The following HDLBP variants were observed in gnomAD, a reference collection of about 807,000 sequenced individuals.
HDLBP encodes the protein high density lipoprotein binding protein, also known as vigilin.
A neutral mutation model predicts 137.3 loss-of-function variants in HDLBP; 30 were observed. The observed-to-expected ratio is 0.22, with a 90% CI of 0.16 to 0.30. HDLBP has a LOEUF of 0.30. HDLBP is among the 10% of genes least tolerant of loss of function. The probability of loss-of-function intolerance (pLI) is 1.00; values close to 1 mark genes in which losing one functional copy is unlikely to be tolerated. For synonymous variants in HDLBP, 606 were observed against 596.0 expected (o/e 1.02, Z -0.24); for missense variants, 1,119 against 1,667.3 (o/e 0.67, Z 5.73).
At position 241,306,267 on chromosome 2, in the gene HDLBP, C is replaced by CT. The variant is rs923058053; in HGVS notation, c.-103+9302dup. Among the ~76,000 whole-genome samples, 580 of 143,304 alleles carry CT rather than the reference C, an allele frequency of 4.0e-3. 4 individuals carry two copies. The highest frequency in any genetic ancestry group is 5.5e-3 in the Non-Finnish European group (353 of 64,732). The allele number at this position is 143,304 out of a possible 152,430, so 94.0% of individuals were successfully genotyped here. On this transcript the variant is annotated intron_variant, in intron 1 of 27. Transcript: ENST00000310931. ...ATGAAAAACCCACTCAGAGATTCAG[C>CT]TTTTTTTTTTTGAGATGGAGTCTTG...
In HDLBP at chr2:241,273,103, G is replaced by A. The variant is rs1360568192; in HGVS notation, c.-102-4562C>T. The A allele has an allele frequency of 5.1e-6, 5 of 985,466 alleles. No individual in the cohort carries two copies. The African/African-American group carries it at 8.7e-5, about 17-fold the overall frequency. 61.0% of individuals were successfully genotyped at this position (985,466 alleles called of 1,614,324 possible). On this transcript the variant is annotated intron_variant, in intron 1 of 27. Transcript: ENST00000310931. ...GAAACAACCGAAGACCAGAAAGGGAGCAGGAAGGACGGCTGCTCTGGAAGC... is the reference window on the plus strand; with the variant it reads ...GAAACAACCGAAGACCAGAAAGGGAACAGGAAGGACGGCTGCTCTGGAAGC...
At chr2:241,265,114 A>G (rs1196027375) in intron 3 of HDLBP, among the ~76,000 whole-genome samples, 2 of 152,256 alleles carry the variant, frequency 1.3e-5, no homozygotes, top group African/African-American at 4.8e-5. Context: ...GTAACATACA[A>G]GGTTAAAAAT....
intron 2 of HDLBP, among the ~76,000 whole-genome samples, chr2:241,267,140 T>C (rs7557535): frequency 0.11 from 17,326 of 152,110 alleles, 1,223 homozygotes; most frequent in Admixed American, 0.16. Context: ...ATCTTTTGTC[T>C]TCCCTGGGCC....
At chr2:241,254,988 TCAGAAA>T (rs1391267985) in intron 9 of HDLBP, 57 bp downstream of exon 9, 4 of 1,279,580 alleles carry the variant, frequency 3.1e-6, no homozygotes, top group South Asian at 2.4e-5. Context: ...CAAAGCAATA[TCAGAAA>T]CAGAAAGACA....
intron 11 of HDLBP, chr2:241,250,816 G>A (rs549772413): frequency 6.6e-6 from 1 of 152,450 alleles, no homozygotes; most frequent in Non-Finnish European, 1.5e-5. Context: ...GGACATGGGA[G>A]CTGGGCAGCA....
At chr2:241,282,374 G>A (rs2074640737) in intron 1 of HDLBP, among the ~76,000 whole-genome samples, 1 of 152,216 alleles carries the variant, frequency 6.6e-6, no homozygotes, top group Non-Finnish European at 1.5e-5. Context: ...AGGTGTGGCT[G>A]GAGGAATAAT....
At chr2:241,248,643 CATG>C (rs1156288793) in intron 12 of HDLBP, among the ~76,000 whole-genome samples, 1 of 152,166 alleles carries the variant, frequency 6.6e-6, no homozygotes, top group Non-Finnish European at 1.5e-5. Context: ...AAAGTGCTAT[CATG>C]ATAGCAGTAA....
chr2:241,288,220 C>T (rs992108298), intron 1 of HDLBP, among the ~76,000 whole-genome samples: 11 of 152,174 alleles, frequency 7.2e-5, no homozygotes, highest in Non-Finnish European at 1.6e-4. Flanking sequence ...ACAATTGCCA[C>T]GTTATCTGCA....
chr2:241,244,908 G>A (rs1238750781), intron 16 of HDLBP, among the ~76,000 whole-genome samples: 28 of 152,126 alleles, frequency 1.8e-4, no homozygotes, highest in Non-Finnish European at 1.2e-4. Flanking sequence ...GGTGGTAGTT[G>A]CTGTTTAATG....
chr2:241,311,731 A>C (rs905738047), intron 1 of HDLBP, among the ~76,000 whole-genome samples: 4 of 152,278 alleles, frequency 2.6e-5, no homozygotes, highest in Admixed American at 2.0e-4. Context: ...AAAGTTATCC[A>C]GAAAAGTGAA....
At chr2:241,276,357 T>C in intron 1 of HDLBP, among the ~76,000 whole-genome samples, 1 of 152,176 alleles carries the variant, frequency 6.6e-6, no homozygotes, top group East Asian at 1.9e-4. Context: ...CATTACGATG[T>C]ACATTATTAC....
chr2:241,291,935 C>A (rs979600736), intron 1 of HDLBP, among the ~76,000 whole-genome samples: 1 of 152,152 alleles, frequency 6.6e-6, no homozygotes, highest in Non-Finnish European at 1.5e-5. Context: ...CACCCAGATA[C>A]CCAGACTCTA....
chr2:241,312,584 TTG>T (rs2075786050), intron 1 of HDLBP, among the ~76,000 whole-genome samples: 1 of 152,260 alleles, frequency 6.6e-6, no homozygotes, highest in South Asian at 2.1e-4. Flanking sequence ...ATTTTGGACT[TTG>T]TGTCATCATA....
At chr2:241,237,085 G>A (rs2070627455) in intron 20 of HDLBP, among the ~76,000 whole-genome samples, 1 of 152,026 alleles carries the variant, frequency 6.6e-6, no homozygotes, top group Non-Finnish European at 1.5e-5. Flanking sequence ...CTACAGCAGA[G>A]GCTTCAGTGA....
intron 1 of HDLBP, among the ~76,000 whole-genome samples, chr2:241,292,189 C>T (rs894499272): frequency 4.0e-5 from 6 of 151,854 alleles, no homozygotes; most frequent in Admixed American, 6.6e-5. Context: ...CACTGCCCCC[C>T]ACCCCCCCAA....
chr2:241,267,182 A>G (rs951635474), intron 2 of HDLBP, among the ~76,000 whole-genome samples: 2 of 152,198 alleles, frequency 1.3e-5, no homozygotes, highest in African/African-American at 2.4e-5. Context: ...TGGGACACAC[A>G]TAAAATAAAC....
intron 1 of HDLBP, among the ~76,000 whole-genome samples, chr2:241,291,010 T>G (rs907857676): frequency 2.6e-5 from 4 of 152,174 alleles, no homozygotes; most frequent in Admixed American, 6.5e-5. Context: ...GACAGACACA[T>G]GCTAAGTGTT....
chr2:241,236,249 G>T, intron 21 of HDLBP: 1 of 285,956 alleles, frequency 3.5e-6, no homozygotes, highest in Non-Finnish European at 6.6e-6. Flanking sequence ...TGCACACAAG[G>T]TGAGCTAGGC....
intron 5 of HDLBP, 62 bp downstream of exon 5, chr2:241,262,649 A>G: frequency 7.7e-7 from 1 of 1,301,574 alleles, no homozygotes; most frequent in Non-Finnish European, 1.1e-6. Flanking sequence ...AGCCTGCATC[A>G]GGAGCCGGGT....
Sources: gnomAD v4.1 joint callset for allele counts (sites outside exome capture counted in the v4.1 genomes callset) on GRCh38, gnomAD v4.1.1 for gene constraint, MANE v1.5 for transcripts, NCBI Gene and HGNC (gene_info 2026-07-23, HGNC 2026-07-21) for gene names.